The following ZNF487 variants were observed in gnomAD, a reference collection of about 807,000 sequenced individuals.
ZNF487 encodes KRAB domain only 1.
In ZNF487, 4 loss-of-function variants were observed where a neutral mutation model predicts 3.0. The observed-to-expected ratio is 1.35, with a 90% confidence interval of 0.66 to 3.08. The LOEUF (loss-of-function observed/expected upper bound fraction) is 3.08. Among genes scored for constraint, ZNF487 ranks in the 30% most tolerant of loss-of-function variants. The pLI is 0.01. For missense variants in ZNF487, 146 were observed against 98.7 expected, an observed-to-expected ratio of 1.48 and a Z score of -2.03; for synonymous variants, 55 against 34.6, an observed-to-expected ratio of 1.59 and a Z score of -2.06.
chr10:43,444,822 C>T (rs1057007848), intron 1 of ZNF487, among the ~76,000 whole-genome samples: 2 of 152,132 alleles, frequency 1.3e-5, no homozygotes, highest in Non-Finnish European at 2.9e-5. Context: ...CCTGCCTCGG[C>T]CTCCCAGGCA....
chr10:43,500,562 T>TGCAATCTCAGCTCACC, the ZNF487 span, among the ~76,000 whole-genome samples: 1 of 152,078 alleles, frequency 6.6e-6, no homozygotes, highest in Non-Finnish European at 1.5e-5. Flanking sequence ...AGTGCAGTGG[T>TGCAATCTCAGCTCACC]GCAATCTCAG....
intron 1 of ZNF487, among the ~76,000 whole-genome samples, chr10:43,459,709 T>A (rs976516979): frequency 9.9e-5 from 15 of 151,930 alleles, no homozygotes; most frequent in African/African-American, 3.6e-4. Context: ...GCACAATGCC[T>A]GGCTAATTTG....
At chr10:43,502,285 G>A in the ZNF487 span, among the ~76,000 whole-genome samples, 3 of 152,090 alleles carry the variant, frequency 2.0e-5, no homozygotes, top group Non-Finnish European at 2.9e-5. Flanking sequence ...TGCAAGAACA[G>A]AAAACCAAAC....
At chr10:43,476,268 A>T (rs1223429855) in intron 3 of ZNF487, 66 bp downstream of exon 3, 7 of 666,408 alleles carry the variant, frequency 1.1e-5, no homozygotes, top group Non-Finnish European at 1.9e-5. Flanking sequence ...GAGATACTTC[A>T]CATATTGACA....
intron 1 of ZNF487, among the ~76,000 whole-genome samples, chr10:43,469,645 T>G (rs921480091): frequency 1.3e-5 from 2 of 152,074 alleles, no homozygotes; most frequent in African/African-American, 4.8e-5. Context: ...TTGGCCTGCA[T>G]TTTTAGGCCA....
chr10:43,454,660 A>G (rs954424174), intron 1 of ZNF487: 10 of 152,362 alleles, frequency 6.6e-5, no homozygotes, highest in African/African-American at 2.4e-4. Context: ...TTTAATTAAA[A>G]TTGATTTTGA....
chr10:43,469,009 A>AAG (rs1564423861), intron 1 of ZNF487, among the ~76,000 whole-genome samples: 1 of 150,694 alleles, frequency 6.6e-6, no homozygotes, highest in African/African-American at 2.4e-5. Flanking sequence ...AAAAAAAAAA[A>AAG]AAAAAGAAAA....
rs554754949 is a variant in ZNF487, at chr10:43,479,085, G to GTA, written c.131-2333_131-2332dup. Among the ~76,000 whole-genome samples the GTA allele has an allele frequency of 8.1e-4, 108 of 133,218 alleles. 1 individual carries two copies. Among genetic ancestry groups the GTA allele is most frequent in the South Asian group, 5.6e-3 (23 of 4,082 alleles). 87.4% of individuals were successfully genotyped at this position (133,218 alleles called of 152,430 possible). A position where few individuals can be genotyped will look rare whatever the true frequency, so the allele number is the denominator to read the frequency against. ...TGAATATATGTATGTATGTATGTGT[G>GTA]TATATATATATACACACATATATAC... On this transcript the variant is annotated intron_variant, in intron 3 of 3. Coordinates refer to ENST00000437590, the MANE Select transcript of ZNF487 (RefSeq NM_001355444.3).
At chr10:43,504,719 TG>T in the ZNF487 span, among the ~76,000 whole-genome samples, 3 of 68,818 alleles carry the variant, frequency 4.4e-5, no homozygotes, top group Non-Finnish European at 8.2e-5. Context: ...TTGTTGTTGT[TG>T]TTGTTTTTTT....
the ZNF487 span, among the ~76,000 whole-genome samples, chr10:43,509,143 A>G: frequency 6.6e-6 from 1 of 151,748 alleles, no homozygotes; most frequent in South Asian, 2.1e-4. Flanking sequence ...GCAGTGAGTC[A>G]AGATTGCACT....
chr10:43,494,617 G>A, the ZNF487 span, among the ~76,000 whole-genome samples: 10 of 151,874 alleles, frequency 6.6e-5, no homozygotes, highest in Non-Finnish European at 1.3e-4. Context: ...TTGAAGTGGT[G>A]GGTTCGAGAT....
intron 1 of ZNF487, among the ~76,000 whole-genome samples, chr10:43,450,809 CTT>C (rs1225854115): frequency 6.6e-6 from 1 of 152,028 alleles, no homozygotes; most frequent in Admixed American, 6.6e-5. Context: ...ATACCAATGA[CTT>C]AGAAGAAAAA....
At chr10:43,466,683 G>A (rs1346308829) in intron 1 of ZNF487, among the ~76,000 whole-genome samples, 1 of 152,110 alleles carries the variant, frequency 6.6e-6, no homozygotes, top group African/African-American at 2.4e-5. Flanking sequence ...TTACAGGCGT[G>A]AGCCACCATG....
rs574713302 is a variant in ZNF487 at position 43,442,932 on chromosome 10, A to G, written c.-94+5670A>G. Among the ~76,000 whole-genome samples the G allele has an allele frequency of 2.7e-4, 41 of 152,266 alleles. 1 individual carries two copies. The highest frequency in any genetic ancestry group is 3.4e-3 in the Middle Eastern group (1 of 294). The stretch of plus-strand genomic sequence containing the variant: ...AATTTATAGCTTAGTAATTTTTTCA[A>G]TTATTACAAATGGTATTTTATTTTT... On this transcript the variant is annotated intron_variant, in intron 1 of 3. Transcript: ENST00000437590.
chr10:43,446,520 G>C (rs926593587), intron 1 of ZNF487, among the ~76,000 whole-genome samples: 1 of 150,292 alleles, frequency 6.7e-6, no homozygotes, highest in African/African-American at 2.5e-5. Context: ...TCCCAGACGG[G>C]GTGGCGGCCG....
At chr10:43,487,136 A>ATTTTTTT (rs5784601), downstream of ZNF487, among the ~76,000 whole-genome samples, 1 of 120,652 alleles carries the variant, frequency 8.3e-6, no homozygotes, top group African/African-American at 2.9e-5. Context: ...GTCACTAAGA[A>ATTTTTTT]TTTTTTTTTT....
chr10:43,465,898 A>G (rs1840679117), intron 1 of ZNF487, among the ~76,000 whole-genome samples: 1 of 152,212 alleles, frequency 6.6e-6, no homozygotes, highest in African/African-American at 2.4e-5. Context: ...CCTGGGCACC[A>G]TTGAGCACTG....
At chr10:43,518,803 T>C in the ZNF487 span, among the ~76,000 whole-genome samples, 4 of 152,188 alleles carry the variant, frequency 2.6e-5, no homozygotes, top group Non-Finnish European at 5.9e-5. Flanking sequence ...CACAACTCTC[T>C]TATACATTCT....
chr10:43,488,385 G>A, the ZNF487 span, among the ~76,000 whole-genome samples: 1 of 151,848 alleles, frequency 6.6e-6, no homozygotes, highest in Non-Finnish European at 1.5e-5. Flanking sequence ...AAAGAAACTG[G>A]AAAAAAAGCA....
Sources: allele counts gnomAD v4.1 joint callset (sites outside exome capture counted in the v4.1 genomes callset), GRCh38; gene constraint gnomAD v4.1.1; transcripts MANE v1.5; gene names NCBI Gene and HGNC (gene_info 2026-07-23, HGNC 2026-07-21).